AFF3: variants seen among roughly 807,000 people sequenced by gnomAD.
AFF3 encodes ALF transcription elongation factor 3, also known as AF4/FMR2 family member 3.
AFF3 carries 32 observed loss-of-function variants against 129.7 expected under a neutral mutation model. The ratio of observed to expected loss-of-function variants is 0.25; its 90% CI spans 0.19 to 0.33. The LOEUF (loss-of-function observed/expected upper bound fraction) is 0.33, where lower values mean the gene tolerates loss of function less well. AFF3 is among the 10% of genes least tolerant of loss of function. The pLI is 1.00. For missense variants in AFF3, 1,373 were observed against 1,592.0 expected (o/e 0.86, Z 2.34); for synonymous variants, 644 against 635.4 (o/e 1.01, Z -0.20).
chr2:99,577,427 G>T (rs1431161317), intron 18 of AFF3, among the ~76,000 whole-genome samples: 1 of 152,098 alleles, frequency 6.6e-6, no homozygotes, highest in South Asian at 2.1e-4. Flanking sequence ...TTTGTCACTG[G>T]GACTCTTGGA....
rs182974519 is a variant in AFF3, at chr2:99,739,240, C to G, written c.1039+4864G>C. ...GGGCTCCTGGGGGCTGTTCCCACCACCACTAAAACTTGTTCCTGTCTGATT... is the reference window on the plus strand; with the variant it reads ...GGGCTCCTGGGGGCTGTTCCCACCAGCACTAAAACTTGTTCCTGTCTGATT... On this transcript the variant is annotated intron_variant, in intron 10 of 24. Transcript: ENST00000672756. Among the ~76,000 whole-genome samples the G allele has an allele frequency of 3.9e-5, 6 of 152,128 alleles. 1 individual carries two copies. The highest frequency in any genetic ancestry group is 3.9e-4 in the Admixed American group (6 of 15,282).
At position 99,842,389 on chromosome 2, in the gene AFF3, G is replaced by A. The variant is rs778589702; in HGVS notation, c.874-4865C>T. On this transcript the variant is annotated intron_variant, in intron 7 of 24. Coordinates refer to ENST00000672756, the MANE Select transcript of AFF3 (RefSeq NM_001386135.1). ...TCACAATAAAGTTATTGCTTTCCTTGGAAAGGTACCCACTGAGAAGGAAGG... is the reference window on the plus strand; with the variant it reads ...TCACAATAAAGTTATTGCTTTCCTTAGAAAGGTACCCACTGAGAAGGAAGG... Among the ~76,000 whole-genome samples the A allele has an allele frequency of 5.9e-5, 9 of 152,006 alleles. No homozygotes were observed. The Middle Eastern group carries it at 0.014, about 230-fold the overall frequency.
intron 4 of AFF3, among the ~76,000 whole-genome samples, chr2:100,024,157 G>A (rs368707442): frequency 2.5e-4 from 35 of 139,542 alleles, no homozygotes; most frequent in African/African-American, 6.0e-4. Context: ...GCGTGAACCC[G>A]GGAGGCGGAG....
chr2:99,920,331 A>T (rs191723692), intron 7 of AFF3, among the ~76,000 whole-genome samples: 132 of 150,826 alleles, frequency 8.8e-4, no homozygotes, highest in Non-Finnish European at 1.5e-3. Flanking sequence ...AGAAACATAT[A>T]AAAAAAAATA....
Position 99,752,253 on chromosome 2 carries a change from C to A in AFF3, c.970G>T (p.Val324Leu). 1 of 1,614,022 alleles carries A rather than the reference C, an allele frequency of 6.2e-7. No homozygotes were observed. Among genetic ancestry groups the A allele is most frequent in the Non-Finnish European group, 8.5e-7 (1 of 1,179,928 alleles). Residue 324 changes from valine to leucine, a missense_variant, in exon 9 of 25, where the codon GTG becomes TTG. Coordinates refer to ENST00000672756, the MANE Select transcript of AFF3 (RefSeq NM_001386135.1). ...PLSAIQAPGK[V>L]EPTKFPFPNK... The stretch of plus-strand genomic sequence containing the variant: ...GGAAATGGAAATTTGGTTGGTTCCA[C>A]TTTGCCAGGTGCTTGAATAGCAGAA...
chr2:99,605,756 C>T (rs897322287), intron 13 of AFF3, among the ~76,000 whole-genome samples: 7 of 152,186 alleles, frequency 4.6e-5, no homozygotes, highest in Admixed American at 3.9e-4. Flanking sequence ...GGTCATAGCT[C>T]ACTGCAGCCT....
intron 4 of AFF3, among the ~76,000 whole-genome samples, chr2:100,090,672 T>TACAC (rs770782544): frequency 6.6e-6 from 1 of 151,094 alleles, no homozygotes; most frequent in Non-Finnish European, 1.5e-5. Context: ...CATACATACA[T>TACAC]ATATATATAT....
intron 7 of AFF3, among the ~76,000 whole-genome samples, chr2:99,911,090 T>C (rs1474564517): frequency 6.6e-6 from 1 of 152,218 alleles, no homozygotes; most frequent in Non-Finnish European, 1.5e-5. Flanking sequence ...CAGTGCAGTG[T>C]CTGAGTCAGA....
intron 4 of AFF3, among the ~76,000 whole-genome samples, chr2:100,079,392 G>A (rs1032583869): frequency 1.3e-5 from 2 of 152,166 alleles, no homozygotes; most frequent in Non-Finnish European, 2.9e-5. Flanking sequence ...ATTAGTTAAA[G>A]CCAACTAGAA....
At chr2:99,579,290 A>C (rs1349143430) in intron 17 of AFF3, among the ~76,000 whole-genome samples, 1 of 152,098 alleles carries the variant, frequency 6.6e-6, no homozygotes, top group Non-Finnish European at 1.5e-5. Flanking sequence ...CTGCAATCCC[A>C]GCTACTCGGG....
intron 11 of AFF3, among the ~76,000 whole-genome samples, chr2:99,694,853 C>T (rs1229908903): frequency 1.3e-5 from 2 of 151,924 alleles, no homozygotes; most frequent in East Asian, 1.9e-4. Flanking sequence ...ATTACAGGCG[C>T]GTGCCACATC....
chr2:99,723,014 G>C (rs950190066), intron 11 of AFF3, among the ~76,000 whole-genome samples: 1 of 152,150 alleles, frequency 6.6e-6, no homozygotes, highest in African/African-American at 2.4e-5. Flanking sequence ...CCTTCTTTTA[G>C]TTAGACTATG....
chr2:100,062,446 G>A (rs1212173388), intron 4 of AFF3, among the ~76,000 whole-genome samples: 1 of 152,170 alleles, frequency 6.6e-6, no homozygotes, highest in Non-Finnish European at 1.5e-5. Flanking sequence ...AAAAGGAAAA[G>A]GAACAAACAG....
intron 2 of AFF3, among the ~76,000 whole-genome samples, chr2:100,127,313 C>G (rs1214541913): frequency 2.6e-5 from 4 of 152,202 alleles, no homozygotes; most frequent in Non-Finnish European, 1.5e-5. Flanking sequence ...TCATGTGCCT[C>G]CATTGTCTCA....
intron 13 of AFF3, among the ~76,000 whole-genome samples, chr2:99,602,698 G>C (rs1368230005): frequency 6.6e-6 from 1 of 152,190 alleles, no homozygotes; most frequent in Non-Finnish European, 1.5e-5. Flanking sequence ...TGCTTCTATA[G>C]GACCGAGCAT....
At position 99,716,582 on chromosome 2, in the gene AFF3, C is replaced by CTATATATA. The variant is rs150305524; in HGVS notation, c.1091+10487_1091+10494dup. 4.1e-4 allele frequency among the ~76,000 whole-genome samples: 60 copies of CTATATATA among 147,214 alleles called. 1 individual carries two copies. Among genetic ancestry groups the CTATATATA allele is most frequent in the South Asian group, 1.7e-3 (8 of 4,654 alleles). ...ATCAGGTAAAAAAGCTGTCACATAA[C>CTATATATA]TATATATATATATATATAGGCTGGG... On this transcript the variant is annotated intron_variant, in intron 11 of 24. Transcript: ENST00000672756.
intron 7 of AFF3, among the ~76,000 whole-genome samples, chr2:99,932,541 C>A (rs1176260482): frequency 1.3e-5 from 2 of 152,188 alleles, no homozygotes; most frequent in Non-Finnish European, 2.9e-5. Flanking sequence ...GACCACTTCC[C>A]CACAGCAAGC....
At chr2:100,138,811 G>A (rs560215162) in intron 1 of AFF3, among the ~76,000 whole-genome samples, 135 of 152,042 alleles carry the variant, frequency 8.9e-4, no homozygotes, top group African/African-American at 1.2e-3. Flanking sequence ...CAGGCGTGAC[G>A]GTGGGCGCCT....
chr2:100,038,320 T>C (rs776327231), intron 4 of AFF3, among the ~76,000 whole-genome samples: 4 of 151,940 alleles, frequency 2.6e-5, no homozygotes, highest in Non-Finnish European at 5.9e-5. Flanking sequence ...CCCATTCACT[T>C]TGGGATTCCA....
Sources: allele counts gnomAD v4.1 joint callset (sites outside exome capture counted in the v4.1 genomes callset), GRCh38; gene constraint gnomAD v4.1.1; transcripts MANE v1.5; gene names NCBI Gene and HGNC (gene_info 2026-07-23, HGNC 2026-07-21).